The following INPP5B variants were observed in gnomAD, a reference collection of about 807,000 sequenced individuals.
INPP5B encodes the protein type II inositol 1,4,5-trisphosphate 5-phosphatase.
INPP5B carries 90 observed loss-of-function variants against 118.5 expected under a neutral mutation model. The ratio of observed to expected loss-of-function variants is 0.76; its 90% CI spans 0.64 to 0.90. The LOEUF (loss-of-function observed/expected upper bound fraction) is 0.90, where lower values mean the gene tolerates loss of function less well. Ranked by LOEUF, INPP5B falls within the 40% of genes least tolerant of loss-of-function variation. The pLI, the probability that INPP5B is intolerant of heterozygous loss-of-function variation, is 0.00. For synonymous variants in INPP5B, 385 were observed against 418.9 expected, an observed-to-expected ratio of 0.92 and a Z score of 0.99; for missense variants, 984 against 1,125.6, an observed-to-expected ratio of 0.87 and a Z score of 1.80.
chr1:37,918,770 A>G (rs747131777), intron 7 of INPP5B, among the ~76,000 whole-genome samples: 8 of 152,208 alleles, frequency 5.3e-5, no homozygotes, highest in Non-Finnish European at 1.2e-4. Context: ...ATAAACAAAT[A>G]CAATCTACAT....
chr1:37,920,046 A>G (rs981588691), intron 7 of INPP5B, among the ~76,000 whole-genome samples: 4 of 152,184 alleles, frequency 2.6e-5, no homozygotes, highest in African/African-American at 9.7e-5. Flanking sequence ...CAACTACTCT[A>G]TGAGGTAGGT....
chr1:37,885,777 T>C lies in INPP5B; in HGVS notation c.1180A>G (p.Ile394Val). The change falls in exon 13 of 24, where the codon ATC becomes GTC. Residue 394 changes from isoleucine to valine, a missense_variant. Ile to Val is a conservative substitution (Grantham distance 29). This residue lies in a region of INPP5B where 634 missense variants were observed against 791.0 expected (regional missense o/e 0.80). Transcript: ENST00000373024. ...AIRFQFHNTS[I>V]CVVNSHLAAH... ...GCCAAGTGAGAATTCACAACGCAGATGCTGGTGTTGTGGAACTGGAACCTG... is the reference window on the plus strand; with the variant it reads ...GCCAAGTGAGAATTCACAACGCAGACGCTGGTGTTGTGGAACTGGAACCTG... 7 of 1,614,162 alleles carry C rather than the reference T, an allele frequency of 4.3e-6. No individual in the cohort carries two copies. Among genetic ancestry groups the C allele is most frequent in the Non-Finnish European group, 5.1e-6 (6 of 1,179,966 alleles).
chr1:37,939,959 C>G (rs1364442810), intron 6 of INPP5B, among the ~76,000 whole-genome samples: 1 of 152,086 alleles, frequency 6.6e-6, no homozygotes, highest in Non-Finnish European at 1.5e-5. Context: ...AGGGCAGTCC[C>G]CTTCCTGGCA....
chr1:37,899,452 C>T (rs560421861), intron 7 of INPP5B, among the ~76,000 whole-genome samples: 55 of 151,856 alleles, frequency 3.6e-4, no homozygotes, highest in African/African-American at 1.2e-3. Flanking sequence ...ATCCCAGCTA[C>T]TCAGGAAGGT....
At chr1:37,911,207 T>C (rs1644685559) in intron 7 of INPP5B, among the ~76,000 whole-genome samples, 1 of 152,192 alleles carries the variant, frequency 6.6e-6, no homozygotes, top group Non-Finnish European at 1.5e-5. Context: ...CCACTTACTC[T>C]CTACAGTTCC....
rs373379144 is a variant in INPP5B, at chr1:37,880,423, T to TTTTTTTTATTTATTTATTTA, written c.1432-230_1432-229insTAAATAAATAAATAAAAAAA. 4.7e-3 allele frequency among the ~76,000 whole-genome samples: 697 copies of TTTTTTTTATTTATTTATTTA among 149,836 alleles called. 4 individuals carry two copies. Among genetic ancestry groups the TTTTTTTTATTTATTTATTTA allele is most frequent in the Non-Finnish European group, 7.7e-3 (521 of 67,486 alleles). ...TTTTTTATTTTTTAAGTTTTTAATGTTTTATTTATTTATTTATTTATTTAT... is the reference window on the plus strand; with the variant it reads ...TTTTTTATTTTTTAAGTTTTTAATGTTTTTTTTATTTATTTATTTATTTATTTATTTATTTATTTATTTAT... On this transcript the variant is annotated intron_variant, in intron 14 of 23. Coordinates refer to ENST00000373024, the MANE Select transcript of INPP5B (RefSeq NM_005540.3).
At chr1:37,889,191 T>C (rs1643701957) in intron 9 of INPP5B, among the ~76,000 whole-genome samples, 1 of 152,194 alleles carries the variant, frequency 6.6e-6, no homozygotes, top group African/African-American at 2.4e-5. Flanking sequence ...GAGCTGTGAC[T>C]GCACCACTGC....
chr1:37,924,355 A>C (rs1474524922), intron 7 of INPP5B, among the ~76,000 whole-genome samples: 1 of 143,340 alleles, frequency 7.0e-6, no homozygotes, highest in South Asian at 2.2e-4. Flanking sequence ...TTTTAGTAGA[A>C]ACAGGGTTTC....
chr1:37,881,691 T>C (rs1643208133), intron 14 of INPP5B, among the ~76,000 whole-genome samples: 1 of 152,090 alleles, frequency 6.6e-6, no homozygotes, highest in Non-Finnish European at 1.5e-5. Context: ...TAGAGATGGG[T>C]ATCAAACTAC....
chr1:37,866,598 A>G, intron 20 of INPP5B, 55 bp from the exon 21 acceptor site: 1 of 1,096,832 alleles, frequency 9.1e-7, no homozygotes, highest in Non-Finnish European at 1.4e-6. Context: ...ATCATCAATG[A>G]TTTCCTGACC....
intron 7 of INPP5B, among the ~76,000 whole-genome samples, chr1:37,893,050 G>A (rs916234379): frequency 8.2e-6 from 1 of 122,230 alleles, no homozygotes; most frequent in African/African-American, 3.2e-5. Flanking sequence ...GTTTTGTGGT[G>A]TTTTTCCTGT....
At chr1:37,913,581 A>AAC (rs1169740927) in intron 7 of INPP5B, among the ~76,000 whole-genome samples, 1 of 152,036 alleles carries the variant, frequency 6.6e-6, no homozygotes, top group African/African-American at 2.4e-5. Flanking sequence ...TCCTTCTAAC[A>AAC]ACCCCACAAT....
intron 6 of INPP5B, among the ~76,000 whole-genome samples, chr1:37,934,543 C>T (rs770755666): frequency 6.6e-6 from 1 of 152,142 alleles, no homozygotes; most frequent in Non-Finnish European, 1.5e-5. Context: ...GTGGAAAAAA[C>T]CTAGTTCCTT....
chr1:37,917,392 C>T (rs1174805703), intron 7 of INPP5B, among the ~76,000 whole-genome samples: 17 of 144,972 alleles, frequency 1.2e-4, no homozygotes, highest in African/African-American at 4.0e-4. Context: ...AGCGCGATCT[C>T]GGCTCACTGC....
At chr1:37,916,211 AG>A (rs1373822867) in intron 7 of INPP5B, among the ~76,000 whole-genome samples, 1 of 151,446 alleles carries the variant, frequency 6.6e-6, no homozygotes, top group Non-Finnish European at 1.5e-5. Flanking sequence ...CTTGTGCCTT[AG>A]CCTCCCAAGT....
At chr1:37,909,659 GGC>G (rs766666594) in intron 7 of INPP5B, among the ~76,000 whole-genome samples, 6 of 152,104 alleles carry the variant, frequency 3.9e-5, no homozygotes, top group Non-Finnish European at 8.8e-5. Flanking sequence ...GGGGCCAGAA[GGC>G]TGTCTTATTC....
intron 7 of INPP5B, among the ~76,000 whole-genome samples, chr1:37,896,451 G>A (rs559216735): frequency 0.021 from 1,748 of 84,220 alleles, no homozygotes; most frequent in South Asian, 0.062. Context: ...CCGGCCAGCT[G>A]CCCCGTCCGG....
rs747686709 is a variant in INPP5B, at chr1:37,872,932, G to A, written c.2185C>T (p.Leu729=). The part of the protein sequence containing the change: ...LDLPLETISE[L]TLMPVWTGDD... Reference sequence around the variant, plus strand: ...TTTCTTTGTGGCATATTACTCACCAGCTCACTAATGGTTTCAAGTGGTAGG... The same window carrying A: ...TTTCTTTGTGGCATATTACTCACCAACTCACTAATGGTTTCAAGTGGTAGG... Residue 729 remains leucine (L), a splice_region_variant and synonymous_variant, in exon 19 of 24, where the codon CTG becomes TTG. Coordinates refer to ENST00000373024, the MANE Select transcript of INPP5B (RefSeq NM_005540.3). The A allele has an allele frequency of 1.9e-6, 3 of 1,609,620 alleles. No individual in the cohort carries two copies. Among genetic ancestry groups the A allele is most frequent in the South Asian group, 2.2e-5 (2 of 90,942 alleles).
At chr1:37,864,666 G>A (rs1641921084) in intron 22 of INPP5B, 1 of 312,448 alleles carries the variant, frequency 3.2e-6, no homozygotes, top group Middle Eastern at 9.1e-4. Context: ...CATTTTAGTT[G>A]GGTCTTGAAT....
Sources: gnomAD v4.1 joint callset for allele counts (sites outside exome capture counted in the v4.1 genomes callset) on GRCh38, gnomAD v4.1.1 for gene constraint, gnomAD v4.1.1 regional missense constraint, MANE v1.5 for transcripts, NCBI Gene and HGNC (gene_info 2026-07-23, HGNC 2026-07-21) for gene names.